Variants in AKNA observed in about 807,000 individuals in gnomAD.
AKNA encodes the protein microtubule organization protein AKNA.
A neutral mutation model predicts 138.8 loss-of-function variants in AKNA; 67 were observed. That is an observed-to-expected ratio of 0.48 (90% CI 0.40 to 0.59). The LOEUF (loss-of-function observed/expected upper bound fraction) is 0.59. AKNA is among the 20% of genes least tolerant of loss of function. AKNA has a pLI of 0.00. For synonymous variants in AKNA, 737 were observed against 754.4 expected, an observed-to-expected ratio of 0.98 and a Z score of 0.38; for missense variants, 1,813 against 1,880.4, an observed-to-expected ratio of 0.96 and a Z score of 0.66.
rs1831553900 is a variant in AKNA, at chr9:114,357,074, C to T, written c.2740-105G>A. ...CCTCACCTCCCAGAGGCTCACACCCCAGGGTTGCTGGCCCAGCTCCCAACA... is the reference window on the plus strand; with the variant it reads ...CCTCACCTCCCAGAGGCTCACACCCTAGGGTTGCTGGCCCAGCTCCCAACA... On this transcript the variant is annotated intron_variant, in intron 12 of 21. Coordinates refer to ENST00000374088, the MANE Select transcript of AKNA (RefSeq NM_001317950.2). 2.7e-5 allele frequency: 27 copies of T among 1,001,944 alleles called. No individual in the cohort carries two copies. In the South Asian group the frequency reaches 4.5e-4, roughly 17 times the overall value. The allele number at this position is 1,001,944 out of a possible 1,614,324, so 62.1% of individuals were successfully genotyped here.
chr9:114,353,303 C>T (rs922547760), intron 14 of AKNA, among the ~76,000 whole-genome samples: 8 of 149,180 alleles, frequency 5.4e-5, no homozygotes, highest in Non-Finnish European at 1.2e-4. Flanking sequence ...TTTGCTCTTT[C>T]GCCCAGGCTG....
At chr9:114,365,782 T>A (rs1476574515) in intron 6 of AKNA, among the ~76,000 whole-genome samples, 1 of 152,202 alleles carries the variant, frequency 6.6e-6, no homozygotes, top group Non-Finnish European at 1.5e-5. Context: ...ATGTGTTTCA[T>A]ACCCACAGCA....
At chr9:114,356,714 AG>A (rs1365181054) in intron 13 of AKNA, 148 bp downstream of exon 13, 1 of 710,908 alleles carries the variant, frequency 1.4e-6, no homozygotes. Context: ...TCCATAACAC[AG>A]GAACAAGAAA....
upstream of AKNA, among the ~76,000 whole-genome samples, chr9:114,392,610 T>C (rs944729150): frequency 2.0e-5 from 3 of 152,250 alleles, no homozygotes; most frequent in Non-Finnish European, 2.9e-5. Context: ...TGGCACAGAA[T>C]GACTGTTCAC....
In AKNA at chr9:114,381,059, C is replaced by A. The variant is rs1564094334; in HGVS notation, c.274+1G>T. 1 of 1,552,172 alleles carries A rather than the reference C, an allele frequency of 6.4e-7. No homozygotes were observed. Among genetic ancestry groups the A allele is most frequent in the Non-Finnish European group, 8.7e-7 (1 of 1,148,944 alleles). On this transcript the variant is annotated splice_donor_variant, in intron 2 of 21. Transcript: ENST00000374088. LOFTEE classifies it high-confidence loss of function. ...TGTAGGGGGAGGGGTGTCAGTCTCA[C>A]CTTCTCCCGAAGTCTCTCCTGACTC...
chr9:114,369,874 C>T lies in AKNA; in HGVS notation c.1417-1279G>A, dbSNP rs931319065. On this transcript the variant is annotated intron_variant, in intron 4 of 21. Transcript: ENST00000374088. ...CCATCATCACCATTTTTACCATTAC[C>T]GTCATCATCATAACCATCACCGTCA... is the stretch of plus-strand genomic sequence containing the variant. 3.9e-5 allele frequency among the ~76,000 whole-genome samples: 6 copies of T among 152,170 alleles called. No homozygotes were observed. In the East Asian group the frequency reaches 9.6e-4, roughly 24 times the overall value.
At chr9:114,330,636 G>A, downstream of AKNA, 3 of 1,602,626 alleles carry the variant, frequency 1.9e-6, no homozygotes, top group Non-Finnish European at 1.7e-6. Flanking sequence ...ACCTGAGCAA[G>A]TCCCTCCTTC....
downstream of AKNA, chr9:114,331,637 C>A: frequency 1.9e-6 from 3 of 1,613,974 alleles, no homozygotes; most frequent in South Asian, 1.1e-5. Context: ...TTGGTTCCTA[C>A]CTGGACGATG....
chr9:114,352,323 C>T (rs977246414), intron 14 of AKNA, among the ~76,000 whole-genome samples: 7 of 152,182 alleles, frequency 4.6e-5, no homozygotes, highest in African/African-American at 1.7e-4. Context: ...AAAGGCCGGG[C>T]GTGGCGGCTC....
At chr9:114,394,965 G>A (rs987484406), upstream of AKNA, among the ~76,000 whole-genome samples, 2 of 152,310 alleles carry the variant, frequency 1.3e-5, no homozygotes, top group African/African-American at 2.4e-5. Context: ...GGGGGGCTGG[G>A]GGGAGAATGC....
At chr9:114,373,884 T>TAAA (rs1217158531) in intron 4 of AKNA, among the ~76,000 whole-genome samples, 1 of 17,988 alleles carries the variant, frequency 5.6e-5, no homozygotes, top group Non-Finnish European at 1.0e-4. Flanking sequence ...AGACCCTGAC[T>TAAA]CAAAAAAAAA....
chr9:114,377,613 T>C, intron 2 of AKNA, 81 bp from the exon 3 acceptor site: 1 of 1,370,424 alleles, frequency 7.3e-7, no homozygotes, highest in Non-Finnish European at 9.9e-7. Context: ...ACTTCAACTC[T>C]CTGGCTTCCA....
At position 114,387,939 on chromosome 9, in the gene AKNA, G is replaced by GC; in HGVS notation, c.-194dup. The GC allele has an allele frequency of 6.7e-6, 3 of 449,734 alleles. No individual in the cohort carries two copies. Among genetic ancestry groups the GC allele is most frequent in the Non-Finnish European group, 1.3e-5 (3 of 222,586 alleles). The allele number at this position is 449,734 out of a possible 1,614,324, so 27.9% of individuals were successfully genotyped here. On this transcript the variant is annotated 5_prime_UTR_variant, in exon 1 of 22. An upstream open reading frame in the 5' UTR loses its in-frame stop. Transcript: ENST00000374088. ...GAATTCTTTGTTCCAAACCCAGGGA[G>GC]CCCCCTGTCTCCATTGCGCCCTGGC...
downstream of AKNA, among the ~76,000 whole-genome samples, chr9:114,332,275 A>G (rs1040094157): frequency 2.0e-5 from 3 of 151,816 alleles, no homozygotes; most frequent in African/African-American, 7.3e-5. Context: ...CCCCACCTCC[A>G]CTCCCCGCTC....
At chr9:114,368,403 A>G in intron 5 of AKNA, 36 bp downstream of exon 5, 1 of 1,307,490 alleles carries the variant, frequency 7.6e-7, no homozygotes. Flanking sequence ...CCCAGGCAGA[A>G]GGAGCCTCCA....
intron 1 of AKNA, among the ~76,000 whole-genome samples, chr9:114,387,098 G>A (rs1834088743): frequency 6.6e-6 from 1 of 152,144 alleles, no homozygotes; most frequent in Non-Finnish European, 1.5e-5. Context: ...AACCAAGGCT[G>A]TCAGATGTGT....
chr9:114,344,243 G>A, intron 18 of AKNA: 1 of 181,742 alleles, frequency 5.5e-6, no homozygotes, highest in South Asian at 9.3e-5. Flanking sequence ...CTCGGGCACA[G>A]GGTCAGTGGT....
downstream of AKNA, chr9:114,330,540 C>T: frequency 6.2e-7 from 1 of 1,612,678 alleles, no homozygotes; most frequent in Non-Finnish European, 8.5e-7. Flanking sequence ...CCCAACAAGA[C>T]AGAGGACACG....
intron 12 of AKNA, among the ~76,000 whole-genome samples, chr9:114,357,514 AG>A (rs1831583471): frequency 6.6e-6 from 1 of 150,938 alleles, no homozygotes; most frequent in Non-Finnish European, 1.5e-5. Context: ...GGACTACAGA[AG>A]TGTGTGTGTG....
Sources: allele counts gnomAD v4.1 joint callset (sites outside exome capture counted in the v4.1 genomes callset), GRCh38; gene constraint gnomAD v4.1.1; transcripts MANE v1.5; gene names NCBI Gene and HGNC (gene_info 2026-07-23, HGNC 2026-07-21).